COL18A1: variants seen among roughly 807,000 people sequenced by gnomAD.
COL18A1 encodes collagen alpha-1(XVIII) chain.
COL18A1 carries 133 observed loss-of-function variants against 168.0 expected under a neutral mutation model. The observed-to-expected ratio is 0.79, with a 90% CI of 0.69 to 0.91. The LOEUF (loss-of-function observed/expected upper bound fraction) is 0.91. Ranked by LOEUF, COL18A1 falls within the 40% of genes least tolerant of loss-of-function variation. The probability of loss-of-function intolerance (pLI) is 0.00; values close to 1 mark genes in which losing one functional copy is unlikely to be tolerated. For missense variants in COL18A1, 2,126 were observed against 1,925.4 expected (o/e 1.10, Z -1.95); for synonymous variants, 949 against 809.0 (o/e 1.17, Z -2.94).
At chr21:45,405,727 G>T (rs1004714149) in intron 2 of COL18A1, among the ~76,000 whole-genome samples, 1 of 150,696 alleles carries the variant, frequency 6.6e-6, no homozygotes, top group African/African-American at 2.4e-5. Context: ...CCCGCGCGGG[G>T]ACCGAACCTC....
At chr21:45,493,114 TG>T in intron 24 of COL18A1, 48 bp from the exon 25 acceptor site, 15 of 1,515,692 alleles carry the variant, frequency 9.9e-6, no homozygotes, top group Non-Finnish European at 1.3e-5. Flanking sequence ...CCGTCGGGGA[TG>T]GGGGAGATGC....
chr21:45,509,220 C>G (rs1602644902), intron 38 of COL18A1, 136 bp from the exon 39 acceptor site: 3 of 1,241,042 alleles, frequency 2.4e-6, no homozygotes, highest in South Asian at 2.9e-5. Context: ...CAGGGCAGCC[C>G]CAGAGTCGGG....
chr21:45,461,352 T>C (rs770306613), intron 2 of COL18A1, among the ~76,000 whole-genome samples: 14 of 151,984 alleles, frequency 9.2e-5, no homozygotes, highest in Non-Finnish European at 1.6e-4. Context: ...CACTACTCAG[T>C]AACAGTAAGT....
chr21:45,505,787 G>GCCCCCCCCCCCCCCCCCCCCCC, intron 36 of COL18A1, 51 bp from the exon 37 acceptor site: 2 of 1,248,148 alleles, frequency 1.6e-6, no homozygotes, highest in Admixed American at 2.0e-5. Flanking sequence ...TTCCGCCCCT[G>GCCCCCCCCCCCCCCCCCCCCCC]CCCCCCGCCC....
chr21:45,478,280 C>T (rs776341459), intron 8 of COL18A1, 47 bp from the exon 9 acceptor site: 1 of 1,613,388 alleles, frequency 6.2e-7, no homozygotes, highest in Non-Finnish European at 8.5e-7. Flanking sequence ...GTAGGTGGCG[C>T]CGGAGGAGTC....
rs557054483 is a variant in COL18A1, at chr21:45,505,421, C to T, written c.3077C>T (p.Ala1026Val). 4.1e-5 allele frequency: 63 copies of T among 1,555,054 alleles called. No individual in the cohort carries two copies. In the East Asian group the frequency reaches 1.3e-3, roughly 33 times the overall value. Residue 1026 changes from alanine (A) to valine (V), a missense_variant, in exon 36 of 42, where the codon GCC becomes GTC. By Grantham distance (64) the Ala-to-Val change is moderately conservative. Coordinates refer to ENST00000651438, the MANE Select transcript of COL18A1 (RefSeq NM_001379500.1). The stretch of plus-strand genomic sequence containing the variant: ...CCTGGGCCCCCTGGAACCATGGGCG[C>T]CTCCTCAGGGGTAAGTGTCTGGGCA... The part of the protein sequence containing the change: ...GPPGPPGTMG[A>V]SSGVRLWATR...
chr21:45,406,839 G>C (rs913615555), intron 2 of COL18A1, among the ~76,000 whole-genome samples: 1 of 152,264 alleles, frequency 6.6e-6, no homozygotes, highest in Non-Finnish European at 1.5e-5. Flanking sequence ...CTGTTAACGC[G>C]AGCTTTGGTG....
In COL18A1 at chr21:45,425,523, C is replaced by T. The variant is rs1023108133; in HGVS notation, c.106+20050C>T. ...CAGGGGTCACAACCCCACTCACCCA[C>T]ACCCTCCTGCATGAACACTGCACAG... On this transcript the variant is annotated intron_variant, in intron 2 of 41. Coordinates refer to ENST00000651438, the MANE Select transcript of COL18A1 (RefSeq NM_001379500.1). This position sits in a 1 kb window ranked among gnomAD's most constrained non-coding sequence, Gnocchi z 4.1. Among the ~76,000 whole-genome samples, 2 of 152,238 alleles carry T rather than the reference C, an allele frequency of 1.3e-5. No individual in the cohort carries two copies. The highest frequency in any genetic ancestry group is 1.5e-5 in the Non-Finnish European group (1 of 68,032).
intron 32 of COL18A1, chr21:45,502,441 C>T (rs1441665235): frequency 1.3e-5 from 2 of 152,096 alleles, no homozygotes; most frequent in Non-Finnish European, 2.9e-5. Context: ...TGTTAAAGAA[C>T]AAACAGCATT....
intron 2 of COL18A1, among the ~76,000 whole-genome samples, chr21:45,413,397 C>T (rs1177884882): frequency 7.2e-5 from 11 of 152,240 alleles, no homozygotes; most frequent in Admixed American, 7.2e-4. Flanking sequence ...CAGGGAACAC[C>T]TGTCTCCTCC....
At chr21:45,442,241 G>A (rs9975992) in intron 2 of COL18A1, among the ~76,000 whole-genome samples, 32,307 of 152,086 alleles carry the variant, frequency 0.21, 3,373 homozygotes, top group East Asian at 0.25. Flanking sequence ...AGGAAACCCT[G>A]CCCGTTCTGT....
chr21:45,497,213 G>A (rs915800889), intron 31 of COL18A1, 121 bp downstream of exon 31: 10 of 755,124 alleles, frequency 1.3e-5, no homozygotes, highest in Admixed American at 3.9e-5. Context: ...AGTGCTACAC[G>A]CCCAGCCCAC....
rs2034431678 is a variant in COL18A1, at chr21:45,443,301, ATG to A, written c.107-24940_107-24939del. Among the ~76,000 whole-genome samples the A allele has an allele frequency of 6.6e-6, 1 of 152,142 alleles. No homozygotes were observed. Among genetic ancestry groups the A allele is most frequent in the African/African-American group, 2.4e-5 (1 of 41,432 alleles). On this transcript the variant is annotated intron_variant, in intron 2 of 41. Coordinates refer to ENST00000651438, the MANE Select transcript of COL18A1 (RefSeq NM_001379500.1). The surrounding 1 kb of genome is among the most constrained non-coding windows in gnomAD (Gnocchi z 5.2). ...GGGTCTGGGTAGGTCTGGCAGCCCC[ATG>A]GGAACCTGGCTGTGTGAGCCTGCCC...
chr21:45,479,746 G>T (rs1306611769), intron 9 of COL18A1, among the ~76,000 whole-genome samples, 156 bp from the exon 10 acceptor site: 1 of 152,048 alleles, frequency 6.6e-6, no homozygotes, highest in Admixed American at 6.5e-5. Flanking sequence ...GAGACAGTCT[G>T]CTGGGCCTGG....
chr21:45,476,773 G>A (rs960922488), intron 6 of COL18A1, among the ~76,000 whole-genome samples: 1 of 151,380 alleles, frequency 6.6e-6, no homozygotes, highest in Non-Finnish European at 1.5e-5. Flanking sequence ...TGTGTGTATT[G>A]TGTGTGGTGT....
At chr21:45,495,662 G>A (rs1248083992) in intron 29 of COL18A1, 8 of 543,194 alleles carry the variant, frequency 1.5e-5, no homozygotes, top group Non-Finnish European at 3.4e-6. Flanking sequence ...ATACATGTGT[G>A]CACATATACA....
chr21:45,489,541 T>G lies in COL18A1; in HGVS notation c.1959+20T>G. 1 of 1,565,684 alleles carries G rather than the reference T, an allele frequency of 6.4e-7. No individual in the cohort carries two copies. The highest frequency in any genetic ancestry group is 1.2e-5 in the South Asian group (1 of 86,794). On this transcript the variant is annotated intron_variant, in intron 19 of 41. Transcript: ENST00000651438. Reference sequence around the variant, plus strand: ...GCGAAGGTAAGCGCTGTGCCCGGGTTCAGGGACGTGGCCAGGCAGAGGCAG... The same window carrying G: ...GCGAAGGTAAGCGCTGTGCCCGGGTGCAGGGACGTGGCCAGGCAGAGGCAG...
In COL18A1 at chr21:45,509,727, C is replaced by A. The variant is rs1602649287; in HGVS notation, c.3495+126C>A. 9 of 710,218 alleles carry A rather than the reference C, an allele frequency of 1.3e-5. No individual in the cohort carries two copies. The East Asian group carries it at 2.4e-4, about 19-fold the overall frequency. The allele number at this position is 710,218 out of a possible 1,614,324, so 44.0% of individuals were successfully genotyped here. On this transcript the variant is annotated intron_variant, in intron 39 of 41. Coordinates refer to ENST00000651438, the MANE Select transcript of COL18A1 (RefSeq NM_001379500.1). ...TCGGCCATGGGTGGGGGTCTGGCGG[C>A]TCAGGGCCACTCAGGGCGGCTTGGC...
Position 45,495,369 on chromosome 21 carries a change from G to C in COL18A1, c.2445G>C (p.Gly815=), listed in dbSNP as rs1226329641. ...IGFPGRPGRP[G]MNGLKGEKGE... ...GTGCTCCGCCCCAGGGTCGCCCCGG[G>C]ATGAACGGATTGAAAGGAGAGAAAG... The change falls in exon 29 of 42, where the codon GGG becomes GGC. Residue 815 remains glycine, a synonymous_variant. Transcript: ENST00000651438. 4 of 1,610,538 alleles carry C rather than the reference G, an allele frequency of 2.5e-6. No homozygotes were observed. The highest frequency in any genetic ancestry group is 3.4e-6 in the Non-Finnish European group (4 of 1,178,532).
Sources: gnomAD v4.1 joint callset for allele counts (sites outside exome capture counted in the v4.1 genomes callset) on GRCh38, gnomAD v4.1.1 for gene constraint, Gnocchi (gnomAD v3.1) non-coding constraint, MANE v1.5 for transcripts, NCBI Gene and HGNC (gene_info 2026-07-23, HGNC 2026-07-21) for gene names.